CYP27C1: variants seen among roughly 807,000 people sequenced by gnomAD.
CYP27C1 encodes cytochrome P450 27C1.
A neutral mutation model predicts 40.6 loss-of-function variants in CYP27C1; 29 were observed. The observed-to-expected ratio is 0.71, with a 90% CI of 0.53 to 0.97. The LOEUF (loss-of-function observed/expected upper bound fraction) is 0.97, where lower values mean the gene tolerates loss of function less well. Among genes scored for constraint, CYP27C1 ranks in the 50% least tolerant of loss-of-function variants. The probability of loss-of-function intolerance (pLI) is 0.00; values close to 1 mark genes in which losing one functional copy is unlikely to be tolerated. For missense variants in CYP27C1, 390 were observed against 485.8 expected (o/e 0.80, Z 1.85); for synonymous variants, 198 against 186.8 (o/e 1.06, Z -0.49).
intron 4 of CYP27C1, among the ~76,000 whole-genome samples, 174 bp from the exon 5 acceptor site, chr2:127,199,713 G>A (rs1334288922): frequency 4.6e-5 from 7 of 152,198 alleles, no homozygotes; most frequent in Non-Finnish European, 7.3e-5. Context: ...ACTTGCTTAT[G>A]TAAATGAATG....
chr2:127,198,093 G>A (rs1047551026), intron 5 of CYP27C1, among the ~76,000 whole-genome samples: 4 of 151,926 alleles, frequency 2.6e-5, no homozygotes, highest in Non-Finnish European at 4.4e-5. Context: ...TTAATGGGCA[G>A]TGCTCTGTCT....
chr2:127,197,804 C>T (rs1385697398), intron 5 of CYP27C1, among the ~76,000 whole-genome samples: 4 of 152,134 alleles, frequency 2.6e-5, no homozygotes, highest in East Asian at 1.9e-4. Context: ...CATTTTCACA[C>T]GTATCCTATT....
At chr2:127,194,680 G>GA (rs1414033210) in intron 6 of CYP27C1, among the ~76,000 whole-genome samples, 1 of 152,094 alleles carries the variant, frequency 6.6e-6, no homozygotes, top group Non-Finnish European at 1.5e-5. Flanking sequence ...CAAATCAGCT[G>GA]AACAGGTCAA....
At position 127,196,535 on chromosome 2, in the gene CYP27C1, A is replaced by G. The variant is rs1379733461; in HGVS notation, c.1048-1034T>C. Among the ~76,000 whole-genome samples, 1 of 14,190 alleles carries G rather than the reference A, an allele frequency of 7.0e-5. No homozygotes were observed. Among genetic ancestry groups the G allele is most frequent in the Admixed American group, 9.2e-4 (1 of 1,092 alleles). 9.3% of individuals were successfully genotyped at this position (14,190 alleles called of 152,430 possible). On this transcript the variant is annotated intron_variant, in intron 5 of 8. Transcript: ENST00000664447. The surrounding 1 kb of genome is among the most constrained non-coding windows in gnomAD (Gnocchi z 4.5). ...GTATAAAGGCCTTTCTCTTTCACCA[A>G]AAAAAAAAAACTAATTTAAGCAGGC...
chr2:127,184,422 GT>G lies in CYP27C1; in HGVS notation c.*2848del, dbSNP rs1449455555. 3 of 149,424 alleles carry G rather than the reference GT, an allele frequency of 2.0e-5. No individual in the cohort carries two copies. Among genetic ancestry groups the G allele is most frequent in the South Asian group, 4.3e-4 (2 of 4,630 alleles). 9.3% of individuals were successfully genotyped at this position (149,424 alleles called of 1,614,324 possible). ...GTTTTTTTTTTGCTTTTTGGTTTTTGTTTTTTTTAGATACGGAGTTTCGTTC... is the reference window on the plus strand; with the variant it reads ...GTTTTTTTTTTGCTTTTTGGTTTTTGTTTTTTTAGATACGGAGTTTCGTTC... On this transcript the variant is annotated 3_prime_UTR_variant, in exon 9 of 9. Transcript: ENST00000664447.
chr2:127,201,327 C>G lies in CYP27C1; in HGVS notation c.678G>C (p.Val226=). 3 of 1,611,726 alleles carry G rather than the reference C, an allele frequency of 1.9e-6. No individual in the cohort carries two copies. The highest frequency in any genetic ancestry group is 2.5e-6 in the Non-Finnish European group (3 of 1,178,526). Residue 226 remains valine, a synonymous_variant, in exon 4 of 9, where the codon GTG becomes GTC. Coordinates refer to ENST00000664447, the MANE Select transcript of CYP27C1 (RefSeq NM_001367502.1). The surrounding 1 kb of genome is among the most constrained non-coding windows in gnomAD (Gnocchi z 6.0). The stretch of plus-strand genomic sequence containing the variant: ...AACGACTCTCATAAAGGATGGTGGC[C>G]ACTCCTAGACAGGAAAGAGAATTTG... The part of the protein sequence containing the change: ...DLFFKYSMEG[V]ATILYESRLG...
rs1482272029 is a variant in CYP27C1 at position 127,195,710 on chromosome 2, A to C, written c.1048-209T>G. Among the ~76,000 whole-genome samples the C allele has an allele frequency of 6.6e-6, 1 of 152,236 alleles. No homozygotes were observed. Among genetic ancestry groups the C allele is most frequent in the Non-Finnish European group, 1.5e-5 (1 of 68,042 alleles). The stretch of plus-strand genomic sequence containing the variant: ...AATAAATAAATAAATAACTGAACGT[A>C]TTTGGCAAGTGACATTGACTCTATG... On this transcript the variant is annotated intron_variant, in intron 5 of 8. Coordinates refer to ENST00000664447, the MANE Select transcript of CYP27C1 (RefSeq NM_001367502.1). This position sits in a 1 kb window ranked among gnomAD's most constrained non-coding sequence, Gnocchi z 6.2.
In CYP27C1 at chr2:127,208,398, G is replaced by A. The variant is rs1287892994; in HGVS notation, c.283-2308C>T. ...CTACAGGTCAGAAGATCCCACTCTC[G>A]AACCCATGCCACCAGAGCCAAGCAT... On this transcript the variant is annotated intron_variant, in intron 1 of 8. Transcript: ENST00000664447. The surrounding 1 kb of genome is among the most constrained non-coding windows in gnomAD (Gnocchi z 5.2). Among the ~76,000 whole-genome samples the A allele has an allele frequency of 3.3e-5, 5 of 152,236 alleles. No homozygotes were observed. The highest frequency in any genetic ancestry group is 7.4e-5 in the Non-Finnish European group (5 of 68,018).
chr2:127,199,314 A>T, intron 5 of CYP27C1, 62 bp downstream of exon 5: 2 of 1,582,022 alleles, frequency 1.3e-6, no homozygotes, highest in Non-Finnish European at 1.7e-6. Context: ...GACAACGTCC[A>T]TGAGGTGATG....
chr2:127,199,483 G>C lies in CYP27C1; in HGVS notation c.940C>G (p.Arg314Gly). 6.2e-7 allele frequency: 1 copy of C among 1,614,162 alleles called. No individual in the cohort carries two copies. The highest frequency in any genetic ancestry group is 8.5e-7 in the Non-Finnish European group (1 of 1,180,018). ...GTGAGAAGTCCCCCGCTCACCCTCC[G>C]GCCTCGGTCCATTTGGTACTGTATG... ...RDIQYQMDRG[R>G]RVSGGLLTYL... is the part of the protein sequence containing the mutation. Residue 314 changes from arginine (R) to glycine (G), a missense_variant, in exon 5 of 9, where the codon CGG becomes GGG. Transcript: ENST00000664447.
At chr2:127,192,477 T>C (rs1215643454) in intron 8 of CYP27C1, among the ~76,000 whole-genome samples, 4 of 152,248 alleles carry the variant, frequency 2.6e-5, no homozygotes, top group Admixed American at 6.5e-5. Flanking sequence ...GAATTATGTA[T>C]CTTCACATGT....
chr2:127,189,866 GCA>G (rs1682725346), intron 8 of CYP27C1, among the ~76,000 whole-genome samples: 1 of 152,120 alleles, frequency 6.6e-6, no homozygotes, highest in Non-Finnish European at 1.5e-5. Context: ...TGTTGATTTT[GCA>G]CATTTTCTAT....
intron 1 of CYP27C1, among the ~76,000 whole-genome samples, chr2:127,212,935 A>G (rs773572775): frequency 2.2e-4 from 34 of 152,210 alleles, no homozygotes; most frequent in Non-Finnish European, 4.3e-4. Flanking sequence ...CTCAGCCCAA[A>G]AACTTCTTGA....
intron 8 of CYP27C1, among the ~76,000 whole-genome samples, chr2:127,190,804 G>A (rs2104673479): frequency 6.6e-6 from 1 of 151,368 alleles, no homozygotes; most frequent in East Asian, 2.0e-4. Flanking sequence ...AAAATTAGCT[G>A]GGCATGGTGG....
chr2:127,194,931 G>A (rs1682868856), intron 6 of CYP27C1, among the ~76,000 whole-genome samples: 1 of 149,996 alleles, frequency 6.7e-6, no homozygotes, highest in African/African-American at 2.5e-5. Flanking sequence ...CTAACTTCAA[G>A]CGATTCTCTT....
chr2:127,197,437 CG>C (rs1682930050), intron 5 of CYP27C1, among the ~76,000 whole-genome samples: 1 of 152,054 alleles, frequency 6.6e-6, no homozygotes, highest in African/African-American at 2.4e-5. Context: ...TAGGTCTGTG[CG>C]GGGCGTGCCT....
At position 127,201,043 on chromosome 2, in the gene CYP27C1, A is replaced by G. The variant is rs926308538; in HGVS notation, c.883+79T>C. ...TAGGCATCCTCTGCTATGGTCACCC[A>G]TTGTCTGGATGAGAGTTAGACACAC... On this transcript the variant is annotated intron_variant, in intron 4 of 8. Transcript: ENST00000664447. The surrounding 1 kb of genome is among the most constrained non-coding windows in gnomAD (Gnocchi z 6.0). 8.0e-6 allele frequency: 11 copies of G among 1,375,218 alleles called. No individual in the cohort carries two copies. The African/African-American group carries it at 1.4e-4, about 18-fold the overall frequency. 85.2% of individuals were successfully genotyped at this position (1,375,218 alleles called of 1,614,324 possible). A position where few individuals can be genotyped will look rare whatever the true frequency, so the allele number is the denominator to read the frequency against.
rs755500578 is a variant in CYP27C1, at chr2:127,193,843, G to A, written c.1239C>T (p.Asn413=). 1.5e-5 allele frequency: 24 copies of A among 1,614,038 alleles called. No individual in the cohort carries two copies. In the Admixed American group the frequency reaches 1.7e-4, roughly 11 times the overall value. Residue 413 remains asparagine (N), a synonymous_variant, in exon 7 of 9, where the codon AAC becomes AAT. Coordinates refer to ENST00000664447, the MANE Select transcript of CYP27C1 (RefSeq NM_001367502.1). ...TLRLFPVLPG[N]GRVTQEDLVI... Reference sequence around the variant, plus strand: ...CCAGGTCTTCCTGGGTGACCCGGCCGTTCCCTGGCAGCACTGGAAACAGCC... The same window carrying A: ...CCAGGTCTTCCTGGGTGACCCGGCCATTCCCTGGCAGCACTGGAAACAGCC...
chr2:127,219,468 T>C lies in CYP27C1; in HGVS notation c.282+521A>G, dbSNP rs1383243979. 6.6e-6 allele frequency among the ~76,000 whole-genome samples: 1 copy of C among 151,562 alleles called. No individual in the cohort carries two copies. Among genetic ancestry groups the C allele is most frequent in the African/African-American group, 2.4e-5 (1 of 41,242 alleles). On this transcript the variant is annotated intron_variant, in intron 1 of 8. Transcript: ENST00000664447. The surrounding 1 kb of genome is among the most constrained non-coding windows in gnomAD (Gnocchi z 8.7). ...TGCCTGGGTCCCTCCCCGGGACCAG[T>C]CCCTGGAGACCCTGCCCGCCGCCTC...
Sources: allele counts gnomAD v4.1 joint callset (sites outside exome capture counted in the v4.1 genomes callset), GRCh38; gene constraint gnomAD v4.1.1; non-coding constraint Gnocchi (gnomAD v3.1); transcripts MANE v1.5; gene names NCBI Gene and HGNC (gene_info 2026-07-23, HGNC 2026-07-21).